Variants in MAN1A2 observed in about 807,000 individuals in gnomAD.
MAN1A2 encodes the protein mannosidase alpha class 1A member 2, also known as mannosyl-oligosaccharide 1,2-alpha-mannosidase IB.
A neutral mutation model predicts 75.7 loss-of-function variants in MAN1A2; 26 were observed. The ratio of observed to expected loss-of-function variants is 0.34; its 90% CI spans 0.25 to 0.48. MAN1A2 has a LOEUF of 0.48. Among genes scored for constraint, MAN1A2 ranks in the 20% least tolerant of loss-of-function variants. The probability of loss-of-function intolerance (pLI) is 0.99; values close to 1 mark genes in which losing one functional copy is unlikely to be tolerated. For synonymous variants in MAN1A2, 247 were observed against 264.6 expected (o/e 0.93, Z 0.65); for missense variants, 562 against 775.5 (o/e 0.72, Z 3.27).
chr1:117,391,366 C>A (rs1019077731), intron 1 of MAN1A2, among the ~76,000 whole-genome samples: 3 of 152,090 alleles, frequency 2.0e-5, no homozygotes, highest in Non-Finnish European at 4.4e-5. Context: ...CTATTTTGAT[C>A]AGTTATTGAG....
intron 8 of MAN1A2, among the ~76,000 whole-genome samples, chr1:117,485,888 C>T (rs920419482): frequency 4.6e-5 from 7 of 151,958 alleles, no homozygotes; most frequent in African/African-American, 1.7e-4. Flanking sequence ...CCAGTTAGCC[C>T]ATCCTTCCTC....
At chr1:117,458,098 A>C (rs1185684412) in intron 6 of MAN1A2, among the ~76,000 whole-genome samples, 5 of 152,120 alleles carry the variant, frequency 3.3e-5, no homozygotes, top group African/African-American at 7.2e-5. Flanking sequence ...TTCTATCTCT[A>C]GTACTCAACA....
At chr1:117,390,465 G>C (rs1487612668) in intron 1 of MAN1A2, among the ~76,000 whole-genome samples, 2 of 151,532 alleles carry the variant, frequency 1.3e-5, no homozygotes, top group Admixed American at 6.6e-5. Flanking sequence ...AATTATATCA[G>C]TTCTCTCATT....
intron 3 of MAN1A2, among the ~76,000 whole-genome samples, chr1:117,406,692 T>A (rs1647627843): frequency 6.6e-6 from 1 of 152,192 alleles, no homozygotes; most frequent in African/African-American, 2.4e-5. Context: ...TCAGCCATTA[T>A]GTAATGAAAT....
chr1:117,462,555 CCAGAGAA>C (rs1452648823), intron 7 of MAN1A2, among the ~76,000 whole-genome samples: 2 of 152,018 alleles, frequency 1.3e-5, no homozygotes, highest in Non-Finnish European at 2.9e-5. Flanking sequence ...CTCAGTACAT[CCAGAGAA>C]CAAAGAGAAG....
chr1:117,457,996 C>G (rs539789720), intron 6 of MAN1A2, among the ~76,000 whole-genome samples: 2 of 151,694 alleles, frequency 1.3e-5, no homozygotes, highest in Admixed American at 1.3e-4. Context: ...TCATTAGTGG[C>G]TCCTCATCAT....
At chr1:117,488,571 G>T (rs982565884) in intron 8 of MAN1A2, among the ~76,000 whole-genome samples, 4 of 151,984 alleles carry the variant, frequency 2.6e-5, no homozygotes, top group African/African-American at 7.2e-5. Context: ...AGAAAAAAAT[G>T]GTGTCATTAG....
chr1:117,499,094 A>G (rs917769775), intron 10 of MAN1A2, among the ~76,000 whole-genome samples: 2 of 151,932 alleles, frequency 1.3e-5, no homozygotes, highest in Non-Finnish European at 2.9e-5. Context: ...ATTTGTTTCC[A>G]AAAGATTACT....
At chr1:117,438,034 CAATA>C (rs1229969753) in intron 5 of MAN1A2, among the ~76,000 whole-genome samples, 23 of 152,036 alleles carry the variant, frequency 1.5e-4, no homozygotes, top group African/African-American at 5.6e-4. Context: ...GGGTAATAGG[CAATA>C]AATAAATAAG....
chr1:117,373,016 G>A (rs139177793), intron 1 of MAN1A2, among the ~76,000 whole-genome samples: 328 of 152,288 alleles, frequency 2.2e-3, no homozygotes, highest in Middle Eastern at 3.4e-3. Context: ...TGTGCTAGAC[G>A]TAATCACTCA....
At chr1:117,470,479 A>G (rs1650114670) in intron 8 of MAN1A2, among the ~76,000 whole-genome samples, 1 of 152,058 alleles carries the variant, frequency 6.6e-6, no homozygotes, top group Non-Finnish European at 1.5e-5. Context: ...CTTTTGTGTT[A>G]TATACATTTC....
At chr1:117,465,771 AT>A (rs1649962003) in intron 7 of MAN1A2, among the ~76,000 whole-genome samples, 1 of 151,914 alleles carries the variant, frequency 6.6e-6, no homozygotes, top group South Asian at 2.1e-4. Context: ...ATATTTCATG[AT>A]TTTTCTTTCC....
chr1:117,406,240 C>G (rs1325623974), intron 3 of MAN1A2, among the ~76,000 whole-genome samples: 1 of 152,166 alleles, frequency 6.6e-6, no homozygotes. Context: ...ACCAATTTAA[C>G]AACTTTTACT....
At position 117,527,516 on chromosome 1, in the gene MAN1A2, G is replaced by A. The variant is rs1301669340; in HGVS notation, c.*4559G>A. On this transcript the variant is annotated 3_prime_UTR_variant, in exon 13 of 13. Transcript: ENST00000356554. The stretch of plus-strand genomic sequence containing the variant: ...GTATAACCTAAAGCTATAATATTTT[G>A]TTGTCTTGAAAGCAGATACACTCTT... The A allele has an allele frequency of 2.0e-5, 3 of 151,902 alleles. No individual in the cohort carries two copies. Among genetic ancestry groups the A allele is most frequent in the Non-Finnish European group, 2.9e-5 (2 of 67,912 alleles). The allele number at this position is 151,902 out of a possible 1,614,324, so 9.4% of individuals were successfully genotyped here.
At position 117,439,144 on chromosome 1, in the gene MAN1A2, G is replaced by A. The variant is rs115318921; in HGVS notation, c.856-3087G>A. On this transcript the variant is annotated intron_variant, in intron 5 of 12. Transcript: ENST00000356554. ...ATCCTTAGAGAACAACAAAAGAGGC[G>A]AGTGGAGCTAATGTAGAGTGACTGA... is the stretch of plus-strand genomic sequence containing the variant. Among the ~76,000 whole-genome samples, 584 of 152,256 alleles carry A rather than the reference G, an allele frequency of 3.8e-3. 7 individuals are homozygous for A. Among genetic ancestry groups the A allele is most frequent in the African/African-American group, 0.013 (554 of 41,534 alleles).
At chr1:117,445,584 T>C (rs955451548) in intron 6 of MAN1A2, among the ~76,000 whole-genome samples, 5 of 151,938 alleles carry the variant, frequency 3.3e-5, no homozygotes, top group Non-Finnish European at 5.9e-5. Context: ...TGGAGTACAA[T>C]GGCACAATCA....
chr1:117,484,470 G>A (rs1380355595), intron 8 of MAN1A2, among the ~76,000 whole-genome samples: 1 of 151,882 alleles, frequency 6.6e-6, no homozygotes, highest in Non-Finnish European at 1.5e-5. Flanking sequence ...GTTTTTGAAG[G>A]TTTACACTAC....
At chr1:117,476,770 A>G (rs1650327583) in intron 8 of MAN1A2, among the ~76,000 whole-genome samples, 1 of 151,998 alleles carries the variant, frequency 6.6e-6, no homozygotes, top group Non-Finnish European at 1.5e-5. Context: ...GCCTCATAGT[A>G]TAGTTTGAAG....
chr1:117,485,111 G>A (rs1004809491), intron 8 of MAN1A2, among the ~76,000 whole-genome samples: 4 of 151,918 alleles, frequency 2.6e-5, no homozygotes, highest in Non-Finnish European at 5.9e-5. Context: ...TAACAAAGTG[G>A]TTATAAACTT....
Sources: gnomAD v4.1 joint callset for allele counts (sites outside exome capture counted in the v4.1 genomes callset) on GRCh38, gnomAD v4.1.1 for gene constraint, MANE v1.5 for transcripts, NCBI Gene and HGNC (gene_info 2026-07-23, HGNC 2026-07-21) for gene names.